EXOC6B: variants seen among roughly 807,000 people sequenced by gnomAD.
EXOC6B encodes the protein exocyst complex component 6B.
A neutral mutation model predicts 113.5 loss-of-function variants in EXOC6B; 54 were observed. The ratio of observed to expected loss-of-function variants is 0.48; its 90% CI spans 0.38 to 0.60. The LOEUF (loss-of-function observed/expected upper bound fraction) is 0.60, where lower values mean the gene tolerates loss of function less well. Among genes scored for constraint, EXOC6B ranks in the 20% least tolerant of loss-of-function variants. The probability of loss-of-function intolerance (pLI) is 0.00; values close to 1 mark genes in which losing one functional copy is unlikely to be tolerated. For synonymous variants in EXOC6B, 357 were observed against 339.0 expected, an observed-to-expected ratio of 1.05 and a Z score of -0.58; for missense variants, 797 against 977.5, an observed-to-expected ratio of 0.82 and a Z score of 2.46.
chr2:72,407,969 T>C (rs1314819963), intron 18 of EXOC6B, among the ~76,000 whole-genome samples: 16 of 152,158 alleles, frequency 1.1e-4, no homozygotes, highest in Non-Finnish European at 1.6e-4. Context: ...GAAAACCCCA[T>C]CGTCTCAGCC....
chr2:72,271,197 T>C (rs1318317606), intron 20 of EXOC6B, among the ~76,000 whole-genome samples: 1 of 152,170 alleles, frequency 6.6e-6, no homozygotes, highest in Non-Finnish European at 1.5e-5. Flanking sequence ...TTTAAAACTC[T>C]TCCCCTTTCA....
rs367961648 is a variant in EXOC6B, at chr2:72,470,123, C to T, written c.1801-4784G>A. On this transcript the variant is annotated intron_variant, in intron 17 of 21. Transcript: ENST00000272427. ...TTTTCTATTTCTGTAAAAGATGACA[C>T]TGATACTTCGTTAGGGATTGCATTG... Among the ~76,000 whole-genome samples, 185 of 152,170 alleles carry T rather than the reference C, an allele frequency of 1.2e-3. 2 individuals carry two copies. The highest frequency in any genetic ancestry group is 4.3e-3 in the African/African-American group (178 of 41,532).
At chr2:72,664,403 G>T (rs1675242275) in intron 6 of EXOC6B, among the ~76,000 whole-genome samples, 1 of 152,180 alleles carries the variant, frequency 6.6e-6, no homozygotes, top group South Asian at 2.1e-4. Flanking sequence ...TCCTAGGGAA[G>T]CGGGGAGTGA....
intron 6 of EXOC6B, among the ~76,000 whole-genome samples, chr2:72,685,346 C>T (rs1046368617): frequency 2.6e-5 from 4 of 152,172 alleles, no homozygotes; most frequent in Admixed American, 6.5e-5. Context: ...GTCAATTTCC[C>T]TCTACTTAGA....
intron 1 of EXOC6B, among the ~76,000 whole-genome samples, chr2:72,797,166 T>C (rs1685011679): frequency 6.6e-6 from 1 of 152,216 alleles, no homozygotes; most frequent in Non-Finnish European, 1.5e-5. Flanking sequence ...CTTTGATTCA[T>C]CTCTTCCCAC....
At chr2:72,732,619 AT>A (rs1003352516) in intron 3 of EXOC6B, among the ~76,000 whole-genome samples, 27 of 152,306 alleles carry the variant, frequency 1.8e-4, no homozygotes, top group East Asian at 1.3e-3. Context: ...ACAAAAAAAA[AT>A]ATAAGTAAAA....
intron 6 of EXOC6B, among the ~76,000 whole-genome samples, chr2:72,707,075 C>T (rs1678932311): frequency 6.6e-6 from 1 of 152,190 alleles, no homozygotes; most frequent in Non-Finnish European, 1.5e-5. Flanking sequence ...TTAAAATCAT[C>T]CCAGCTGATA....
chr2:72,475,403 G>T (rs1303770104), intron 17 of EXOC6B, among the ~76,000 whole-genome samples: 6 of 152,172 alleles, frequency 3.9e-5, no homozygotes, highest in African/African-American at 1.4e-4. Flanking sequence ...GAGTGGGCTG[G>T]TCTCCAGGCA....
intron 1 of EXOC6B, among the ~76,000 whole-genome samples, chr2:72,792,834 G>A (rs538504612): frequency 6.6e-6 from 1 of 152,148 alleles, no homozygotes; most frequent in South Asian, 2.1e-4. Context: ...AACATTTCTG[G>A]TAACCACTTT....
intron 16 of EXOC6B, among the ~76,000 whole-genome samples, chr2:72,486,743 ACT>A (rs552562370): frequency 3.8e-4 from 58 of 151,660 alleles, no homozygotes; most frequent in African/African-American, 1.0e-3. Flanking sequence ...TCTATCTTAA[ACT>A]CTCTTACTTA....
At chr2:72,533,213 C>T (rs901314695) in intron 8 of EXOC6B, among the ~76,000 whole-genome samples, 17 of 152,176 alleles carry the variant, frequency 1.1e-4, no homozygotes, top group Admixed American at 6.5e-5. Context: ...TACTCTAAGA[C>T]TAGTCCAGAA....
intron 6 of EXOC6B, among the ~76,000 whole-genome samples, chr2:72,616,527 T>C (rs1283847189): frequency 6.6e-6 from 1 of 152,184 alleles, no homozygotes; most frequent in East Asian, 1.9e-4. Flanking sequence ...TTCACATTCA[T>C]TGCTGAAGGC....
At chr2:72,713,963 G>A (rs1356053198) in intron 6 of EXOC6B, among the ~76,000 whole-genome samples, 1 of 151,928 alleles carries the variant, frequency 6.6e-6, no homozygotes, top group Non-Finnish European at 1.5e-5. Context: ...ATATAATATT[G>A]GCAGAAGTGA....
In EXOC6B at chr2:72,499,269, C is replaced by T. The variant is rs199744601; in HGVS notation, c.1239+632G>A. On this transcript the variant is annotated intron_variant, in intron 12 of 21. Transcript: ENST00000272427. The stretch of plus-strand genomic sequence containing the variant: ...TTTTTAAGACAGAGTTTCACCCTGT[C>T]GCCCAGGCTGGAGGGCAATGGCACT... Among the ~76,000 whole-genome samples, 132 of 149,494 alleles carry T rather than the reference C, an allele frequency of 8.8e-4. 1 individual carries two copies. The Middle Eastern group carries it at 0.014, about 16-fold the overall frequency.
In EXOC6B at chr2:72,515,103, A is replaced by C; in HGVS notation, c.939T>G (p.Asn313Lys). The change falls in exon 9 of 22, where the codon AAT becomes AAG. Residue 313 changes from asparagine to lysine, a missense_variant. Asn to Lys is a moderately conservative substitution (Grantham distance 94). Coordinates refer to ENST00000272427, the MANE Select transcript of EXOC6B (RefSeq NM_015189.3). ...SVLGARETFE[N>K]YYRKQRRKQA... ...GTTTTCGCCTCTGTTTTCGGTAGTA[A>C]TTCTCAAATGTTTCCCGGGCACCCT... 1 of 1,605,742 alleles carries C rather than the reference A, an allele frequency of 6.2e-7. No homozygotes were observed. The highest frequency in any genetic ancestry group is 1.1e-5 in the South Asian group (1 of 88,890).
At chr2:72,401,626 TATATATATATAC>T (rs1693298257) in intron 18 of EXOC6B, among the ~76,000 whole-genome samples, 2 of 46,986 alleles carry the variant, frequency 4.3e-5, no homozygotes, top group Non-Finnish European at 6.5e-5. Context: ...TATATACATA[TATATATATATAC>T]ATATATACAT....
intron 20 of EXOC6B, among the ~76,000 whole-genome samples, chr2:72,192,141 T>C (rs1423435721): frequency 6.6e-6 from 1 of 152,114 alleles, no homozygotes; most frequent in Non-Finnish European, 1.5e-5. Flanking sequence ...ATCTCCCACG[T>C]AGACAGGAGC....
intron 7 of EXOC6B, among the ~76,000 whole-genome samples, chr2:72,569,340 T>C (rs1395214417): frequency 6.6e-6 from 1 of 152,118 alleles, no homozygotes; most frequent in African/African-American, 2.4e-5. Context: ...ACATTATTTT[T>C]TTTTCACATC....
intron 6 of EXOC6B, among the ~76,000 whole-genome samples, chr2:72,648,147 G>A (rs1256692112): frequency 6.6e-6 from 1 of 152,198 alleles, no homozygotes; most frequent in Non-Finnish European, 1.5e-5. Flanking sequence ...CTCAGAAGAA[G>A]ACATTTATGC....
Sources: gnomAD v4.1 joint callset for allele counts (sites outside exome capture counted in the v4.1 genomes callset) on GRCh38, gnomAD v4.1.1 for gene constraint, MANE v1.5 for transcripts, NCBI Gene and HGNC (gene_info 2026-07-23, HGNC 2026-07-21) for gene names.